Variants in LASP1 observed in about 807,000 individuals in gnomAD.
LASP1 encodes the protein LIM and SH3 protein 1, also known as LIM and SH3 domain protein 1.
Under a neutral mutation model 38.6 loss-of-function variants are expected in LASP1, and 10 were observed. The observed-to-expected ratio is 0.26, with a 90% CI of 0.16 to 0.44. The LOEUF is 0.44. Among genes scored for constraint, LASP1 ranks in the 20% least tolerant of loss-of-function variants. LASP1 has a pLI of 1.00. For missense variants in LASP1, 243 were observed against 375.7 expected, an observed-to-expected ratio of 0.65 and a Z score of 2.92; for synonymous variants, 132 against 140.8, an observed-to-expected ratio of 0.94 and a Z score of 0.44.
intron 2 of LASP1, among the ~76,000 whole-genome samples, chr17:38,886,695 G>A (rs1469379540): frequency 2.0e-5 from 3 of 151,992 alleles, no homozygotes. Flanking sequence ...GACACAGTGT[G>A]GGGTGCAGGG....
chr17:38,894,045 G>A (rs1914416306), intron 3 of LASP1, among the ~76,000 whole-genome samples: 2 of 152,016 alleles, frequency 1.3e-5, no homozygotes, highest in African/African-American at 2.4e-5. Flanking sequence ...GGGACACCTG[G>A]AGCCTCCCCT....
At chr17:38,877,139 C>T (rs1913805071) in intron 1 of LASP1, among the ~76,000 whole-genome samples, 2 of 152,228 alleles carry the variant, frequency 1.3e-5, no homozygotes, top group African/African-American at 4.8e-5. Flanking sequence ...GTGCCCAGCA[C>T]CTGACATCTG....
intron 1 of LASP1, chr17:38,874,051 A>G (rs550052266): frequency 6.6e-6 from 1 of 152,314 alleles, no homozygotes; most frequent in Non-Finnish European, 1.5e-5. Flanking sequence ...GCAAGGGAAG[A>G]TCAAGATGAC....
In LASP1 at chr17:38,898,561, G is replaced by A. The variant is rs549181618; in HGVS notation, c.357+42G>A. 8.3e-5 allele frequency: 119 copies of A among 1,426,758 alleles called. 1 individual carries two copies. The South Asian group carries it at 8.5e-4, about 10-fold the overall frequency. The allele number at this position is 1,426,758 out of a possible 1,614,324, so 88.4% of individuals were successfully genotyped here. A position where few individuals can be genotyped will look rare whatever the true frequency, so the allele number is the denominator to read the frequency against. ...CCCTGCGGCATCCCTGCTGCCCTCT[G>A]TTTGGTCCCCTTCCTGCCAGCCTGG... On this transcript the variant is annotated intron_variant, in intron 4 of 6. Transcript: ENST00000318008.
rs1449235783 is a variant in LASP1, at chr17:38,915,753, C to G, written c.612+607C>G. ...AAGCCCAGCAGGAATGGGGTGAGAT[C>G]AGGCTTCCTGAGCCCTCAGAGCTGA... On this transcript the variant is annotated intron_variant, in intron 6 of 6. Coordinates refer to ENST00000318008, the MANE Select transcript of LASP1 (RefSeq NM_006148.4). 2.0e-5 allele frequency: 3 copies of G among 152,328 alleles called. No homozygotes were observed. In the East Asian group the frequency reaches 5.8e-4, roughly 29 times the overall value. 9.4% of individuals were successfully genotyped at this position (152,328 alleles called of 1,614,324 possible). A position where few individuals can be genotyped will look rare whatever the true frequency, so the allele number is the denominator to read the frequency against.
At chr17:38,888,967 G>A (rs1450063237) in intron 2 of LASP1, among the ~76,000 whole-genome samples, 2 of 152,212 alleles carry the variant, frequency 1.3e-5, no homozygotes, top group Admixed American at 6.5e-5. Flanking sequence ...CTGGATCCCT[G>A]TGTGTCTTGG....
chr17:38,909,365 T>C (rs995066066), intron 4 of LASP1, among the ~76,000 whole-genome samples: 6 of 152,104 alleles, frequency 3.9e-5, no homozygotes, highest in Admixed American at 6.5e-5. Context: ...CCCAGCACTT[T>C]GGGAGGCCGA....
At chr17:38,908,545 C>T (rs741018) in intron 4 of LASP1, among the ~76,000 whole-genome samples, 47,979 of 152,174 alleles carry the variant, frequency 0.32, 7,831 homozygotes, top group East Asian at 0.48. Context: ...GGGTTGGCTG[C>T]CTCACCTCAG....
chr17:38,888,904 G>A (rs922097597), intron 2 of LASP1, among the ~76,000 whole-genome samples: 5 of 152,148 alleles, frequency 3.3e-5, no homozygotes, highest in Admixed American at 6.5e-5. Flanking sequence ...TGCTGGGCCT[G>A]GAAATTGGCG....
chr17:38,876,053 A>G (rs980647268), intron 1 of LASP1, among the ~76,000 whole-genome samples: 2 of 152,042 alleles, frequency 1.3e-5, no homozygotes, highest in Non-Finnish European at 2.9e-5. Flanking sequence ...CCAGCACATC[A>G]TCCTGGGCTT....
intron 3 of LASP1, among the ~76,000 whole-genome samples, chr17:38,892,878 C>T (rs573876188): frequency 9.4e-4 from 143 of 152,064 alleles, no homozygotes; most frequent in African/African-American, 3.1e-3. Flanking sequence ...GCTGGGTTCC[C>T]GGGGGGGCCT....
At chr17:38,889,273 G>T (rs1022143153) in intron 2 of LASP1, among the ~76,000 whole-genome samples, 6 of 152,154 alleles carry the variant, frequency 3.9e-5, no homozygotes, top group African/African-American at 1.2e-4. Flanking sequence ...TGGGACTATA[G>T]GCGCACGCCA....
intron 2 of LASP1, among the ~76,000 whole-genome samples, chr17:38,883,478 C>A (rs1914010531): frequency 6.6e-6 from 1 of 152,182 alleles, no homozygotes; most frequent in African/African-American, 2.4e-5. Flanking sequence ...TTGTCTGCCT[C>A]TAACTGGAAA....
rs187786536 is a variant in LASP1, at chr17:38,919,665, C to G, written c.*887C>G. The G allele has an allele frequency of 1.6e-3, 536 of 337,980 alleles. 1 individual carries two copies. Among genetic ancestry groups the G allele is most frequent in the African/African-American group, 1.0e-2 (495 of 49,656 alleles). The allele number at this position is 337,980 out of a possible 1,614,324, so 20.9% of individuals were successfully genotyped here. A position where few individuals can be genotyped will look rare whatever the true frequency, so the allele number is the denominator to read the frequency against. On this transcript the variant is annotated 3_prime_UTR_variant, in exon 7 of 7. Coordinates refer to ENST00000318008, the MANE Select transcript of LASP1 (RefSeq NM_006148.4). ...CTCAGGACCTTTTGGTCTTCAGCCTCCCTCAGCCCCCAGGATCTGGGTTAG... is the reference window on the plus strand; with the variant it reads ...CTCAGGACCTTTTGGTCTTCAGCCTGCCTCAGCCCCCAGGATCTGGGTTAG...
At chr17:38,882,271 A>G (rs1287043445) in intron 2 of LASP1, among the ~76,000 whole-genome samples, 1 of 152,108 alleles carries the variant, frequency 6.6e-6, no homozygotes, top group Admixed American at 6.5e-5. Context: ...GTTTTTTTTG[A>G]GACGGAGTCT....
intron 2 of LASP1, among the ~76,000 whole-genome samples, chr17:38,887,659 G>C (rs1248962266): frequency 6.6e-6 from 1 of 152,182 alleles, no homozygotes; most frequent in African/African-American, 2.4e-5. Flanking sequence ...GCACCGCTAG[G>C]ATCATCTGGA....
At chr17:38,894,970 T>A (rs1260786430) in intron 3 of LASP1, among the ~76,000 whole-genome samples, 1 of 152,100 alleles carries the variant, frequency 6.6e-6, no homozygotes, top group African/African-American at 2.4e-5. Context: ...ACTCCTGACC[T>A]CAAGTGATCT....
chr17:38,880,395 G>C (rs73297154), intron 2 of LASP1, among the ~76,000 whole-genome samples: 9 of 152,348 alleles, frequency 5.9e-5, no homozygotes, highest in East Asian at 1.9e-4. Flanking sequence ...TGCAGGGACT[G>C]GGGGAGCCAG....
At chr17:38,917,143 G>C (rs1313613412) in intron 6 of LASP1, among the ~76,000 whole-genome samples, 7 of 152,198 alleles carry the variant, frequency 4.6e-5, no homozygotes, top group Admixed American at 3.3e-4. Context: ...GTTGAGAAGA[G>C]GCAGTGGTTT....
Sources: gnomAD v4.1 joint callset for allele counts (sites outside exome capture counted in the v4.1 genomes callset) on GRCh38, gnomAD v4.1.1 for gene constraint, MANE v1.5 for transcripts, NCBI Gene and HGNC (gene_info 2026-07-23, HGNC 2026-07-21) for gene names.